The following SARS2 variants were observed in gnomAD, a reference collection of about 807,000 sequenced individuals.
SARS2 encodes serine--tRNA ligase, mitochondrial.
Under a neutral mutation model 66.8 loss-of-function variants are expected in SARS2, and 52 were observed. The ratio of observed to expected loss-of-function variants is 0.78; its 90% confidence interval spans 0.62 to 0.98. The LOEUF (loss-of-function observed/expected upper bound fraction) is 0.98. Among genes scored for constraint, SARS2 ranks in the 50% least tolerant of loss-of-function variants. The pLI is 0.00. For synonymous variants in SARS2, 306 were observed against 281.4 expected (o/e 1.09, Z -0.87); for missense variants, 673 against 706.3 (o/e 0.95, Z 0.53).
intron 12 of SARS2, 131 bp from the exon 13 acceptor site, chr19:38,916,445 C>A: frequency 1.4e-6 from 1 of 736,666 alleles, no homozygotes; most frequent in South Asian, 1.7e-5. Flanking sequence ...CCAGCCTGGG[C>A]AACATAAGGA....
intron 5 of SARS2, among the ~76,000 whole-genome samples, chr19:38,920,874 GACACACACAGACAC>G (rs1974511380): frequency 6.8e-6 from 1 of 147,954 alleles, no homozygotes; most frequent in African/African-American, 2.5e-5. Flanking sequence ...CAGATACATA[GACACACACAGACAC>G]ACACACACAC....
Position 38,930,536 on chromosome 19 carries a change from T to C in SARS2, c.201A>G (p.Pro67=), listed in dbSNP as rs551059571. 18 of 1,613,442 alleles carry C rather than the reference T, an allele frequency of 1.1e-5. No homozygotes were observed. Among genetic ancestry groups the C allele is most frequent in the Non-Finnish European group, 1.5e-5 (18 of 1,179,988 alleles). The stretch of plus-strand genomic sequence containing the variant: ...GCTCCAGGGCGTGTGCGGCCTCTTC[T>C]GGGCATGCGCAGAACCGCTCTATGT... ...QLDIERFCAC[P]EEAAHALELR... Residue 67 remains proline, a synonymous_variant, in exon 1 of 16, where the codon CCA becomes CCG. Transcript: ENST00000221431.
At chr19:38,928,421 C>G (rs1163384822) in intron 1 of SARS2, 4 of 73,662 alleles carry the variant, frequency 5.4e-5, no homozygotes, top group Admixed American at 5.2e-4. Flanking sequence ...CCTGGCCCCC[C>G]CCCCCGCAAA....
intron 1 of SARS2, chr19:38,930,224 C>G: frequency 1.8e-6 from 1 of 543,374 alleles, no homozygotes; most frequent in Middle Eastern, 5.0e-4. Flanking sequence ...AGGTACCCAG[C>G]GAGCAGTATG....
intron 1 of SARS2, 43 bp downstream of exon 1, chr19:38,930,427 A>G (rs894960846): frequency 4.5e-6 from 7 of 1,555,276 alleles, no homozygotes; most frequent in Non-Finnish European, 3.5e-6. Context: ...ATTCTTCCGT[A>G]AAGCAAACGT....
intron 5 of SARS2, 105 bp from the exon 6 acceptor site, chr19:38,920,254 T>A (rs1974496028): frequency 4.7e-6 from 4 of 851,304 alleles, no homozygotes; most frequent in Non-Finnish European, 3.8e-6. Flanking sequence ...TGAGAGAAAA[T>A]AAAGGAGGGG....
At chr19:38,916,156 C>A in intron 13 of SARS2, 27 bp from the exon 14 acceptor site, 4 of 1,613,504 alleles carry the variant, frequency 2.5e-6, no homozygotes, top group African/African-American at 1.3e-5. Flanking sequence ...GCAGGCTGAG[C>A]GGATCAGGGA....
rs2144771314 is a variant in SARS2, at chr19:38,921,419, C to T, written c.562G>A (p.Val188Met). ...GGCTTGTCTCCGACCATGTGGAGCA[C>T]TCGAGCCTGGCTCTCATCCCCGACG... Reference protein sequence around the residue: ...VPVGDESQARVLHMVGDKPVF... With the variant: ...VPVGDESQARMLHMVGDKPVF... Residue 188 changes from valine (V) to methionine (M), a missense_variant, in exon 5 of 16, where the codon GTG becomes ATG. Transcript: ENST00000221431. 1.9e-6 allele frequency: 3 copies of T among 1,613,904 alleles called. No homozygotes were observed. Among genetic ancestry groups the T allele is most frequent in the Non-Finnish European group, 2.5e-6 (3 of 1,180,002 alleles).
rs577270614 is a variant in SARS2, at chr19:38,915,583, C to T, written c.*23G>A. ...GAACTCCAGGAAGCAGTGACACCCC[C>T]GAGGGCTGCTGTGGGTGGGTTCTTA... On this transcript the variant is annotated 3_prime_UTR_variant, in exon 16 of 16. Transcript: ENST00000221431. The T allele has an allele frequency of 1.2e-5, 19 of 1,609,880 alleles. No homozygotes were observed. The highest frequency in any genetic ancestry group is 4.3e-4 in the Middle Eastern group (2 of 4,656).
chr19:38,925,462 C>T (rs373771999), intron 2 of SARS2, among the ~76,000 whole-genome samples: 22 of 152,178 alleles, frequency 1.4e-4, no homozygotes, highest in African/African-American at 4.6e-4. Flanking sequence ...TGCCGGAACT[C>T]CATTCCTCCG....
At chr19:38,925,800 C>G (rs897479577) in intron 2 of SARS2, among the ~76,000 whole-genome samples, 2 of 152,136 alleles carry the variant, frequency 1.3e-5, no homozygotes, top group Non-Finnish European at 2.9e-5. Flanking sequence ...TGAGGTAATG[C>G]ATGTCCACAT....
intron 2 of SARS2, among the ~76,000 whole-genome samples, chr19:38,925,790 T>G (rs1342211478): frequency 1.3e-5 from 2 of 152,112 alleles, no homozygotes; most frequent in Non-Finnish European, 2.9e-5. Context: ...GCTCGCTATG[T>G]GAGGTAATGC....
chr19:38,930,172 G>A, intron 1 of SARS2: 2 of 389,740 alleles, frequency 5.1e-6, no homozygotes, highest in Non-Finnish European at 4.7e-6. Context: ...TGAGGTTGCA[G>A]CACGGAGGGC....
rs147412052 is a variant in SARS2, at chr19:38,926,216, G to C, written c.352C>G (p.Arg118Gly). ...GGCACCATGCTCACCAGCAGGGCCCGCACTGCCTCAGTCACAGCTGCCTTC... is the reference window on the plus strand; with the variant it reads ...GGCACCATGCTCACCAGCAGGGCCCCCACTGCCTCAGTCACAGCTGCCTTC... ...EEKAAVTEAV[R>G]ALLANQDSGE... The change falls in exon 2 of 16, where the codon CGG (arginine) becomes GGG (glycine). Residue 118 changes from arginine (R) to glycine (G), a missense_variant. Coordinates refer to ENST00000221431, the MANE Select transcript of SARS2 (RefSeq NM_017827.4). 2.5e-6 allele frequency: 4 copies of C among 1,605,916 alleles called. No individual in the cohort carries two copies. The African/African-American group carries it at 4.0e-5, about 16-fold the overall frequency.
chr19:38,930,447 C>T lies in SARS2; in HGVS notation c.267+23G>A, dbSNP rs368663569. 22 of 1,580,994 alleles carry T rather than the reference C, an allele frequency of 1.4e-5. No individual in the cohort carries two copies. The East Asian group carries it at 3.6e-4, about 26-fold the overall frequency. Reference sequence around the variant, plus strand: ...TCCGTAAAGCAAACGTCTGCGCCCCCCGGCCGGCGCAGGCGCACTCACGAT... The same window carrying T: ...TCCGTAAAGCAAACGTCTGCGCCCCTCGGCCGGCGCAGGCGCACTCACGAT... On this transcript the variant is annotated intron_variant, in intron 1 of 15. Coordinates refer to ENST00000221431, the MANE Select transcript of SARS2 (RefSeq NM_017827.4).
chr19:38,922,405 C>A (rs1023821048), intron 2 of SARS2, 138 bp from the exon 3 acceptor site: 1 of 800,978 alleles, frequency 1.2e-6, no homozygotes, highest in African/African-American at 1.7e-5. Flanking sequence ...CCCTCTGCAA[C>A]TCTGTGTTTC....
In SARS2 at chr19:38,921,352, C is replaced by T. The variant is rs922839049; in HGVS notation, c.589+40G>A. The T allele has an allele frequency of 2.1e-5, 33 of 1,609,306 alleles. 1 individual carries two copies. The highest frequency in any genetic ancestry group is 4.3e-4 in the Middle Eastern group (2 of 4,688). ...CCCCGAGACCCCAGAACCCCCACAC[C>T]GCAGGGCTTGTCAGCTCCCAGGCCT... On this transcript the variant is annotated intron_variant, in intron 5 of 15. Transcript: ENST00000221431.
intron 8 of SARS2, 100 bp from the exon 9 acceptor site, chr19:38,918,630 C>A: frequency 7.3e-7 from 1 of 1,373,824 alleles, no homozygotes; most frequent in Non-Finnish European, 1.0e-6. Flanking sequence ...ACATCTGGAG[C>A]TGCCCTGGCC....
chr19:38,918,575 C>CT, intron 8 of SARS2, 45 bp from the exon 9 acceptor site: 1 of 1,524,866 alleles, frequency 6.6e-7, no homozygotes. Flanking sequence ...ACAGGTAACC[C>CT]TGGCCTCTCG....
Sources: allele counts gnomAD v4.1 joint callset (sites outside exome capture counted in the v4.1 genomes callset), GRCh38; gene constraint gnomAD v4.1.1; transcripts MANE v1.5; gene names NCBI Gene and HGNC (gene_info 2026-07-23, HGNC 2026-07-21).